Variants in CTRL observed in about 807,000 individuals in gnomAD.
CTRL encodes the protein chymotrypsin-like protease CTRL-1.
Under a neutral mutation model 35.5 loss-of-function variants are expected in CTRL, and 38 were observed. The observed-to-expected ratio is 1.07, with a 90% confidence interval of 0.83 to 1.40. CTRL has a LOEUF of 1.40. CTRL is among the 40% of genes most tolerant of loss of function. The probability of loss-of-function intolerance (pLI) is 0.00; values close to 1 mark genes in which losing one functional copy is unlikely to be tolerated. For synonymous variants in CTRL, 155 were observed against 141.1 expected, an observed-to-expected ratio of 1.10 and a Z score of -0.70; for missense variants, 327 against 342.9, an observed-to-expected ratio of 0.95 and a Z score of 0.37.
Position 67,930,611 on chromosome 16 carries a change from T to C in CTRL, c.319-23A>G. The C allele has an allele frequency of 6.2e-7, 1 of 1,611,224 alleles. No homozygotes were observed. The highest frequency in any genetic ancestry group is 8.5e-7 in the Non-Finnish European group (1 of 1,177,604). On this transcript the variant is annotated intron_variant, in intron 4 of 6. Coordinates refer to ENST00000574481, the MANE Select transcript of CTRL (RefSeq NM_001907.3). The surrounding 1 kb of genome is among the most constrained non-coding windows in gnomAD (Gnocchi z 4.3). ...GGCCTGTGGGGTCAGAAACAGTCCA[T>C]GTTCTGATGGGTGCTGAGCAGGGTA... is the stretch of plus-strand genomic sequence containing the variant.
Position 67,929,588 on chromosome 16 carries a change from T to G in CTRL, c.*346A>C. 1 of 243,102 alleles carries G rather than the reference T, an allele frequency of 4.1e-6. No individual in the cohort carries two copies. The highest frequency in any genetic ancestry group is 8.8e-5 in the East Asian group (1 of 11,380). The allele number at this position is 243,102 out of a possible 1,614,324, so 15.1% of individuals were successfully genotyped here. ...TGGCCTGTGGATGGAGAATGTGCAG[T>G]TATTTATTATGCGTATTCAGTTTGT... On this transcript the variant is annotated 3_prime_UTR_variant, in exon 7 of 7. Transcript: ENST00000574481.
At chr16:67,931,684 CT>C in intron 1 of CTRL, 116 bp downstream of exon 1, 1 of 1,237,094 alleles carries the variant, frequency 8.1e-7, no homozygotes, top group Non-Finnish European at 1.1e-6. Context: ...TATCCTGTTT[CT>C]TTTGCCCACT....
chr16:67,931,712 C>T, intron 1 of CTRL, 89 bp downstream of exon 1: 1 of 1,473,578 alleles, frequency 6.8e-7, no homozygotes, highest in Non-Finnish European at 9.3e-7. Context: ...ACCTTCGTCC[C>T]TTCCAGCCAG....
chr16:67,929,904 G>T lies in CTRL; in HGVS notation c.*30C>A. On this transcript the variant is annotated 3_prime_UTR_variant, in exon 7 of 7. Coordinates refer to ENST00000574481, the MANE Select transcript of CTRL (RefSeq NM_001907.3). ...ATGGGACAGGGCCTGGGTCTTTAAT[G>T]GGTTGAGCTGGGGAGGGCCTGTGGT... The T allele has an allele frequency of 6.2e-7, 1 of 1,606,924 alleles. No homozygotes were observed. The highest frequency in any genetic ancestry group is 1.1e-5 in the South Asian group (1 of 90,886).
chr16:67,931,565 C>T (rs957631935), intron 1 of CTRL: 6 of 599,008 alleles, frequency 1.0e-5, no homozygotes, highest in Non-Finnish European at 1.5e-5. Context: ...TTCCTAAACC[C>T]TCCCGGGCTC....
At chr16:67,931,276 G>C (rs921944808) in intron 1 of CTRL, 75 bp from the exon 2 acceptor site, 5 of 1,455,446 alleles carry the variant, frequency 3.4e-6, no homozygotes, top group Non-Finnish European at 4.8e-6. Flanking sequence ...GGGTGCCCCA[G>C]GCTGTGCACC....
Position 67,930,590 on chromosome 16 carries a change from T to C in CTRL, c.319-2A>G. 1 of 1,613,512 alleles carries C rather than the reference T, an allele frequency of 6.2e-7. No homozygotes were observed. The highest frequency in any genetic ancestry group is 8.5e-7 in the Non-Finnish European group (1 of 1,179,494). ...GTTCCAGCTAGGGTGTGTAATGGCC[T>C]GTGGGGTCAGAAACAGTCCATGTTC... On this transcript the variant is annotated splice_acceptor_variant, in intron 4 of 6. Transcript: ENST00000574481. LOFTEE classifies it high-confidence loss of function. The surrounding 1 kb of genome is among the most constrained non-coding windows in gnomAD (Gnocchi z 4.3).
At position 67,931,081 on chromosome 16, in the gene CTRL, C is replaced by T; in HGVS notation, c.156+17G>A. 4 of 1,613,806 alleles carry T rather than the reference C, an allele frequency of 2.5e-6. No homozygotes were observed. The highest frequency in any genetic ancestry group is 1.1e-5 in the South Asian group (1 of 91,076). On this transcript the variant is annotated intron_variant, in intron 2 of 6. Transcript: ENST00000574481. The stretch of plus-strand genomic sequence containing the variant: ...CATGACGTACCCAGGACCCTGCCCA[C>T]CCCTCTGGTGGTGTACCTGCAGGGA...
chr16:67,931,528 G>C, intron 1 of CTRL: 1 of 586,010 alleles, frequency 1.7e-6, no homozygotes, highest in South Asian at 2.0e-5. Context: ...CTTTCTAAAA[G>C]ACATGGACAG....
In CTRL at chr16:67,931,011, G is replaced by A; in HGVS notation, c.157-12C>T. ...AAGCCGCTGCTGTCCTGTGGTCAGG[G>A]CTCAGAGGTCAGAGTGGGGGTGGGC... On this transcript the variant is annotated splice_polypyrimidine_tract_variant and intron_variant, in intron 2 of 6. Coordinates refer to ENST00000574481, the MANE Select transcript of CTRL (RefSeq NM_001907.3). 6.2e-7 allele frequency: 1 copy of A among 1,613,908 alleles called. No individual in the cohort carries two copies. The highest frequency in any genetic ancestry group is 8.5e-7 in the Non-Finnish European group (1 of 1,179,992).
rs755585242 is a variant in CTRL, at chr16:67,931,119, C to G, written c.135G>C (p.Trp45Cys). 2.5e-6 allele frequency: 4 copies of G among 1,614,094 alleles called. No homozygotes were observed. The South Asian group carries it at 4.4e-5, about 18-fold the overall frequency. Residue 45 changes from tryptophan to cysteine, a missense_variant, in exon 2 of 7, where the codon TGG becomes TGC. Coordinates refer to ENST00000574481, the MANE Select transcript of CTRL (RefSeq NM_001907.3). Reference protein sequence around the residue: ...VNGENAVLGSWPWQVSLQDSS... With the variant: ...VNGENAVLGSCPWQVSLQDSS... ...GTACCTGCAGGGACACCTGCCAGGG[C>G]CAGGAGCCCAACACTGCATTCTCCC...
At chr16:67,931,052 T>A in intron 2 of CTRL, 46 bp downstream of exon 2, 8 of 1,613,098 alleles carry the variant, frequency 5.0e-6, no homozygotes, top group Non-Finnish European at 5.9e-6. Context: ...AGGCTGCCCC[T>A]AGGCATGACG....
intron 2 of CTRL, 31 bp downstream of exon 2, chr16:67,931,067 C>G: frequency 1.9e-6 from 3 of 1,613,582 alleles, no homozygotes; most frequent in Non-Finnish European, 2.5e-6. Context: ...ATGACGTACC[C>G]AGGACCCTGC....
rs956562383 is a variant in CTRL, at chr16:67,930,029, A to G, written c.700T>C (p.Trp234Arg). 1 of 1,614,044 alleles carries G rather than the reference A, an allele frequency of 6.2e-7. No homozygotes were observed. Among genetic ancestry groups the G allele is most frequent in the African/African-American group, 1.3e-5 (1 of 74,906 alleles). ...CGCACATTGCAGTTTTTGGTGCCCC[A>G]GGAGACAATACCAATAAGCACCCAT... ...NTWVLIGIVS[W>R]GTKNCNVRAP... Residue 234 changes from tryptophan to arginine, a missense_variant, in exon 7 of 7, where the codon TGG (tryptophan) becomes CGG (arginine). Coordinates refer to ENST00000574481, the MANE Select transcript of CTRL (RefSeq NM_001907.3). This position sits in a 1 kb window ranked among gnomAD's most constrained non-coding sequence, Gnocchi z 4.3.
rs1468863662 is a variant in CTRL at position 67,930,269 on chromosome 16, A to G, written c.549T>C (p.Thr183=). ...HLQQVALPLV[T]VNQCRQYWGS... The stretch of plus-strand genomic sequence containing the variant: ...CCCAGTACTGCCGGCACTGATTCAC[A>G]GTGACCAGGGGCAAAGCCACCTGCT... Residue 183 remains threonine, a synonymous_variant, in exon 6 of 7, where the codon ACT becomes ACC. Transcript: ENST00000574481. This position sits in a 1 kb window ranked among gnomAD's most constrained non-coding sequence, Gnocchi z 4.3. 6 of 1,613,994 alleles carry G rather than the reference A, an allele frequency of 3.7e-6. No homozygotes were observed. The highest frequency in any genetic ancestry group is 5.1e-6 in the Non-Finnish European group (6 of 1,179,958).
In CTRL at chr16:67,931,134, T is replaced by G; in HGVS notation, c.120A>C (p.Ala40=). The change falls in exon 2 of 7, where the codon GCA becomes GCC. Residue 40 remains alanine, a synonymous_variant. Transcript: ENST00000574481. The stretch of plus-strand genomic sequence containing the variant: ...CCTGCCAGGGCCAGGAGCCCAACAC[T>G]GCATTCTCCCCGTTGACAATCCTCT... ...FSQRIVNGEN[A]VLGSWPWQVS... is the part of the protein sequence containing the mutation. 6.2e-7 allele frequency: 1 copy of G among 1,614,136 alleles called. No homozygotes were observed. Among genetic ancestry groups the G allele is most frequent in the Non-Finnish European group, 8.5e-7 (1 of 1,180,016 alleles).
rs1567403775 is a variant in CTRL at position 67,929,984 on chromosome 16, GAGTAT to G, written c.740_744del (p.Tyr247SerfsTer3). On this transcript the variant is annotated frameshift_variant, in exon 7 of 7. Transcript: ENST00000574481. LOFTEE classifies it high-confidence loss of function. The stretch of plus-strand genomic sequence containing the variant: ...ATCCAGGTGCTGAACTTGCTAACTC[GAGTAT>G]ACACAGCAGGTGCGCGCACATTGCA... 1.9e-6 allele frequency: 3 copies of G among 1,614,146 alleles called. No homozygotes were observed. In the Admixed American group the frequency reaches 5.0e-5, roughly 27 times the overall value.
chr16:67,930,180 C>T lies in CTRL; in HGVS notation c.633+5G>A. The T allele has an allele frequency of 6.2e-7, 1 of 1,613,848 alleles. No homozygotes were observed. The highest frequency in any genetic ancestry group is 8.5e-7 in the Non-Finnish European group (1 of 1,179,886). On this transcript the variant is annotated splice_donor_5th_base_variant and intron_variant, in intron 6 of 6. Transcript: ENST00000574481. The surrounding 1 kb of genome is among the most constrained non-coding windows in gnomAD (Gnocchi z 4.3). ...CAGCGCAGAGGAGCGGGTGCTGGGG[C>T]TTACCTGGCACGAGGAGGCACCTGC...
At position 67,930,576 on chromosome 16, in the gene CTRL, G is replaced by A; in HGVS notation, c.331C>T (p.Pro111Ser). 6.2e-7 allele frequency: 1 copy of A among 1,614,076 alleles called. No homozygotes were observed. The highest frequency in any genetic ancestry group is 8.5e-7 in the Non-Finnish European group (1 of 1,179,964). Residue 111 changes from proline to serine, a missense_variant, in exon 5 of 7, where the codon CCT (proline) becomes TCT (serine). Pro to Ser is a moderately conservative substitution (Grantham distance 74, BLOSUM62 -1). Coordinates refer to ENST00000574481, the MANE Select transcript of CTRL (RefSeq NM_001907.3). This position sits in a 1 kb window ranked among gnomAD's most constrained non-coding sequence, Gnocchi z 4.3. Reference protein sequence around the residue: ...VLSVSRAITHPSWNSTTMNND... With the variant: ...VLSVSRAITHSSWNSTTMNND... ...TTCATGGTGGTAGAGTTCCAGCTAGGGTGTGTAATGGCCTGTGGGGTCAGA... is the reference window on the plus strand; with the variant it reads ...TTCATGGTGGTAGAGTTCCAGCTAGAGTGTGTAATGGCCTGTGGGGTCAGA...
Sources: allele counts gnomAD v4.1 joint callset, GRCh38; gene constraint gnomAD v4.1.1; non-coding constraint Gnocchi (gnomAD v3.1); transcripts MANE v1.5; gene names NCBI Gene and HGNC (gene_info 2026-07-23, HGNC 2026-07-21).